The following OR1B1 variants were observed in gnomAD, a reference collection of about 807,000 sequenced individuals.
OR1B1 encodes the protein olfactory receptor 1B1.
For synonymous variants in OR1B1, 168 were observed against 156.2 expected (o/e 1.08, Z -0.57); for missense variants, 414 against 402.1 (o/e 1.03, Z -0.25).
upstream of OR1B1, among the ~76,000 whole-genome samples, chr9:122,631,809 A>G (rs754935001): frequency 2.6e-5 from 4 of 152,150 alleles, no homozygotes; most frequent in African/African-American, 9.7e-5. Context: ...ACACACACAC[A>G]CCTACACCCA....
At chr9:122,640,035 T>C in the OR1B1 span, among the ~76,000 whole-genome samples, 5 of 152,224 alleles carry the variant, frequency 3.3e-5, no homozygotes, top group Middle Eastern at 6.8e-3. Flanking sequence ...ATGGGGAAAC[T>C]GAAGCATACA....
At chr9:122,652,924 T>C in the OR1B1 span, among the ~76,000 whole-genome samples, 1 of 152,298 alleles carries the variant, frequency 6.6e-6, no homozygotes, top group Admixed American at 6.5e-5. Flanking sequence ...CAAAGCCCCC[T>C]GCTCCAAGCT....
chr9:122,642,230 G>T, the OR1B1 span, among the ~76,000 whole-genome samples: 1 of 152,138 alleles, frequency 6.6e-6, no homozygotes, highest in Non-Finnish European at 1.5e-5. Flanking sequence ...AAAAGATGGT[G>T]TTCAACAGGA....
the OR1B1 span, among the ~76,000 whole-genome samples, chr9:122,653,277 T>C: frequency 6.6e-6 from 1 of 152,210 alleles, no homozygotes; most frequent in Admixed American, 6.5e-5. Flanking sequence ...CAGTGCATCT[T>C]TGAGTTAGTA....
At chr9:122,635,127 C>T in the OR1B1 span, among the ~76,000 whole-genome samples, 1 of 152,224 alleles carries the variant, frequency 6.6e-6, no homozygotes, top group African/African-American at 2.4e-5. Context: ...TGGAAACAAC[C>T]TAAGTGTCTT....
the OR1B1 span, among the ~76,000 whole-genome samples, chr9:122,647,279 A>G: frequency 6.6e-6 from 1 of 152,188 alleles, no homozygotes; most frequent in Non-Finnish European, 1.5e-5. Flanking sequence ...CTAGAAATCA[A>G]TAACAGGAGG....
exon 1 of OR1B1, chr9:122,629,215 A>G (rs368488786): frequency 1.0e-4 from 162 of 1,614,028 alleles, no homozygotes; most frequent in Non-Finnish European, 1.3e-4. Context: ...CCCCAAATGC[A>G]TAGAAGAAAA....
chr9:122,645,203 G>A, the OR1B1 span, among the ~76,000 whole-genome samples: 1 of 152,112 alleles, frequency 6.6e-6, no homozygotes. Context: ...ACAAAGAACT[G>A]GTGAGCTTGA....
the OR1B1 span, among the ~76,000 whole-genome samples, chr9:122,650,520 C>T: frequency 6.6e-6 from 1 of 151,810 alleles, no homozygotes; most frequent in Non-Finnish European, 1.5e-5. Flanking sequence ...TAGATTAAAT[C>T]TGGGGGAGGC....
At chr9:122,636,805 A>G in the OR1B1 span, among the ~76,000 whole-genome samples, 1 of 152,242 alleles carries the variant, frequency 6.6e-6, no homozygotes, top group East Asian at 1.9e-4. Flanking sequence ...AGTCAGACTT[A>G]CCTGGAGTTT....
chr9:122,655,928 G>A, the OR1B1 span, among the ~76,000 whole-genome samples: 2 of 151,900 alleles, frequency 1.3e-5, no homozygotes, highest in Non-Finnish European at 2.9e-5. Flanking sequence ...TCCTTGAAGT[G>A]GTAGCCTAGT....
chr9:122,647,534 G>GA, the OR1B1 span, among the ~76,000 whole-genome samples: 8 of 151,112 alleles, frequency 5.3e-5, no homozygotes, highest in African/African-American at 9.7e-5. Context: ...ATTAGTAGAG[G>GA]AAAAAAAATA....
chr9:122,634,897 T>C, the OR1B1 span, among the ~76,000 whole-genome samples: 1 of 152,124 alleles, frequency 6.6e-6, no homozygotes, highest in Non-Finnish European at 1.5e-5. Flanking sequence ...GGCAAGGATA[T>C]GAAGGAAAGG....
upstream of OR1B1, among the ~76,000 whole-genome samples, chr9:122,632,880 C>CA (rs1830216596): frequency 6.6e-6 from 1 of 152,114 alleles, no homozygotes; most frequent in Non-Finnish European, 1.5e-5. Context: ...CAAGACTGGG[C>CA]AATTTAGAAA....
chr9:122,657,314 C>A, the OR1B1 span, among the ~76,000 whole-genome samples: 7 of 146,876 alleles, frequency 4.8e-5, no homozygotes, highest in African/African-American at 1.8e-4. Flanking sequence ...CTACTATTAT[C>A]TATTTTTTAC....
chr9:122,645,727 T>G, the OR1B1 span, among the ~76,000 whole-genome samples: 2 of 152,066 alleles, frequency 1.3e-5, no homozygotes, highest in African/African-American at 4.8e-5. Flanking sequence ...GAAATAAAGA[T>G]ATTCCCAGAC....
chr9:122,655,497 A>G, the OR1B1 span, among the ~76,000 whole-genome samples: 1 of 152,214 alleles, frequency 6.6e-6, no homozygotes. Context: ...AATACTATGC[A>G]GCCATAAAAA....
chr9:122,630,736 C>G (rs1051943031), upstream of OR1B1, among the ~76,000 whole-genome samples: 2 of 152,120 alleles, frequency 1.3e-5, no homozygotes, highest in African/African-American at 4.8e-5. Flanking sequence ...TTAAGACAGT[C>G]TCACTCTATC....
upstream of OR1B1, among the ~76,000 whole-genome samples, chr9:122,631,203 A>G (rs1424347967): frequency 1.3e-5 from 2 of 150,266 alleles, no homozygotes; most frequent in Non-Finnish European, 3.0e-5. Context: ...TTGAGACGGA[A>G]TCTCGTTCTG....
Sources: gnomAD v4.1 joint callset for allele counts (sites outside exome capture counted in the v4.1 genomes callset) on GRCh38, gnomAD v4.1.1 for gene constraint, MANE v1.5 for transcripts, NCBI Gene and HGNC (gene_info 2026-07-23, HGNC 2026-07-21) for gene names.